The following CDK5RAP1 variants were observed in gnomAD, a reference collection of about 807,000 sequenced individuals.
CDK5RAP1 encodes CDK5RAP1 mitochondrial tRNA methylthiotransferase, also known as mitochondrial tRNA methylthiotransferase CDK5RAP1.
In CDK5RAP1, 62 loss-of-function variants were observed where a neutral mutation model predicts 64.5. The ratio of observed to expected loss-of-function variants is 0.96; its 90% CI spans 0.78 to 1.19. CDK5RAP1 has a LOEUF of 1.19. CDK5RAP1 is among the 50% of genes most tolerant of loss of function. CDK5RAP1 has a pLI of 0.00. For missense variants in CDK5RAP1, 657 were observed against 735.0 expected (o/e 0.89, Z 1.23); for synonymous variants, 250 against 261.9 (o/e 0.95, Z 0.44).
At chr20:33,388,519 T>TCCCCCTCC (rs201049191) in intron 5 of CDK5RAP1, among the ~76,000 whole-genome samples, 1 of 128,306 alleles carries the variant, frequency 7.8e-6, no homozygotes, top group African/African-American at 3.2e-5. Context: ...CCTCTCCCTC[T>TCCCCCTCC]CCCTCTCCCT....
At chr20:33,365,035 T>G (rs1170729083) in intron 12 of CDK5RAP1, among the ~76,000 whole-genome samples, 1 of 152,100 alleles carries the variant, frequency 6.6e-6, no homozygotes, top group Non-Finnish European at 1.5e-5. Flanking sequence ...ACTACAGGTG[T>G]GCACCACCAC....
At chr20:33,365,276 A>T (rs942836971) in intron 12 of CDK5RAP1, among the ~76,000 whole-genome samples, 9 of 151,308 alleles carry the variant, frequency 5.9e-5, no homozygotes, top group African/African-American at 2.2e-4. Flanking sequence ...GTTGTTGTTT[A>T]TTTGGGTTTT....
chr20:33,397,870 T>C (rs6088207), intron 1 of CDK5RAP1, among the ~76,000 whole-genome samples: 2,081 of 152,212 alleles, frequency 0.014, 26 homozygotes, highest in Non-Finnish European at 0.018. Flanking sequence ...CAAGTGCCTA[T>C]AGTCCCAACT....
At position 33,385,774 on chromosome 20, in the gene CDK5RAP1, G is replaced by C. The variant is rs940950948; in HGVS notation, c.756-4C>G. 2 of 1,610,736 alleles carry C rather than the reference G, an allele frequency of 1.2e-6. No individual in the cohort carries two copies. Among genetic ancestry groups the C allele is most frequent in the Non-Finnish European group, 1.7e-6 (2 of 1,178,596 alleles). On this transcript the variant is annotated splice_region_variant and splice_polypyrimidine_tract_variant and intron_variant, in intron 6 of 13. Transcript: ENST00000346416. ...GTCACAGCCTCGCATGATTGACCTG[G>C]AGAAGAAAGTACCAGAACTTAGTAA...
intron 8 of CDK5RAP1, among the ~76,000 whole-genome samples, chr20:33,379,252 A>C (rs1986431090): frequency 6.6e-6 from 1 of 152,058 alleles, no homozygotes; most frequent in African/African-American, 2.4e-5. Flanking sequence ...CAGCGTCTCC[A>C]AGTGTTGAGA....
At chr20:33,364,612 T>C (rs965014955) in intron 12 of CDK5RAP1, among the ~76,000 whole-genome samples, 2 of 152,144 alleles carry the variant, frequency 1.3e-5, no homozygotes, top group Non-Finnish European at 2.9e-5. Flanking sequence ...TTCACTTTTG[T>C]TGCCCAGGCT....
chr20:33,365,227 T>A (rs1264905755), intron 12 of CDK5RAP1, among the ~76,000 whole-genome samples: 1 of 152,062 alleles, frequency 6.6e-6, no homozygotes, highest in Non-Finnish European at 1.5e-5. Flanking sequence ...GGTTAATAGG[T>A]ATGCCAGCAT....
chr20:33,380,118 A>T (rs1986548428), intron 7 of CDK5RAP1, among the ~76,000 whole-genome samples: 1 of 152,252 alleles, frequency 6.6e-6, no homozygotes, highest in South Asian at 2.1e-4. Context: ...ATTAAATGAC[A>T]ACATGAGGAA....
At chr20:33,359,419 A>G in intron 13 of CDK5RAP1, 1 of 333,916 alleles carries the variant, frequency 3.0e-6, no homozygotes, top group East Asian at 5.8e-5. Flanking sequence ...TGCCCATCAC[A>G]GGCCCTGCCC....
chr20:33,386,022 A>G (rs760813215), intron 6 of CDK5RAP1, among the ~76,000 whole-genome samples: 1 of 152,204 alleles, frequency 6.6e-6, no homozygotes, highest in Non-Finnish European at 1.5e-5. Flanking sequence ...CACAGCGGTG[A>G]GGAGCTAGAA....
At chr20:33,370,715 G>A in intron 10 of CDK5RAP1, 86 bp from the exon 11 acceptor site, 1 of 1,426,788 alleles carries the variant, frequency 7.0e-7, no homozygotes, top group Non-Finnish European at 9.8e-7. Context: ...TACAAGGGAG[G>A]GATAGCAACT....
At chr20:33,364,966 G>A (rs527794016) in intron 12 of CDK5RAP1, among the ~76,000 whole-genome samples, 8 of 150,294 alleles carry the variant, frequency 5.3e-5, no homozygotes, top group Non-Finnish European at 1.2e-4. Context: ...TCATCTTACT[G>A]CACCCTCGAC....
chr20:33,384,759 G>A (rs950934949), intron 7 of CDK5RAP1, among the ~76,000 whole-genome samples: 4 of 152,082 alleles, frequency 2.6e-5, no homozygotes, highest in African/African-American at 9.7e-5. Flanking sequence ...AAAATTCACT[G>A]GGCGTGGTGG....
intron 5 of CDK5RAP1, among the ~76,000 whole-genome samples, chr20:33,389,218 G>C (rs1987932948): frequency 6.6e-6 from 1 of 151,280 alleles, no homozygotes; most frequent in Admixed American, 6.6e-5. Flanking sequence ...GAGATGTGGG[G>C]AGTGCCTCTG....
intron 11 of CDK5RAP1, among the ~76,000 whole-genome samples, 179 bp downstream of exon 11, chr20:33,370,320 T>A (rs1487184764): frequency 6.6e-6 from 1 of 152,196 alleles, no homozygotes; most frequent in African/African-American, 2.4e-5. Flanking sequence ...ATCATCAAAT[T>A]GCTGAACCGT....
In CDK5RAP1 at chr20:33,395,004, T is replaced by C. The variant is rs776796210; in HGVS notation, c.408+9A>G. ...TCCAGGAAACAAAGGAAATAGGAAA[T>C]GCATGTACCTCTTGGAGGTTACTGG... On this transcript the variant is annotated intron_variant, in intron 3 of 13. Transcript: ENST00000346416. 37 of 1,499,078 alleles carry C rather than the reference T, an allele frequency of 2.5e-5. No individual in the cohort carries two copies. The allele number at this position is 1,499,078 out of a possible 1,614,324, so 92.9% of individuals were successfully genotyped here.
At chr20:33,364,696 T>A (rs772672467) in intron 12 of CDK5RAP1, among the ~76,000 whole-genome samples, 4 of 151,868 alleles carry the variant, frequency 2.6e-5, no homozygotes, top group Non-Finnish European at 4.4e-5. Context: ...TGCCTCAGCC[T>A]CCCGAGTAAC....
At chr20:33,379,763 T>C in intron 7 of CDK5RAP1, 72 bp from the exon 8 acceptor site, 1 of 1,099,308 alleles carries the variant, frequency 9.1e-7, no homozygotes, top group East Asian at 2.4e-5. Context: ...AATTAAAAAT[T>C]AGCTGAAATT....
intron 1 of CDK5RAP1, among the ~76,000 whole-genome samples, chr20:33,398,384 C>A (rs1366532061): frequency 6.6e-6 from 1 of 152,046 alleles, no homozygotes; most frequent in Non-Finnish European, 1.5e-5. Flanking sequence ...TTCTAAGATA[C>A]CCGGGAGACT....
Sources: allele counts gnomAD v4.1 joint callset (sites outside exome capture counted in the v4.1 genomes callset), GRCh38; gene constraint gnomAD v4.1.1; transcripts MANE v1.5; gene names NCBI Gene and HGNC (gene_info 2026-07-23, HGNC 2026-07-21).